UBR3: variants seen among roughly 807,000 people sequenced by gnomAD.
UBR3 encodes E3 ubiquitin-protein ligase UBR3.
A neutral mutation model predicts 243.2 loss-of-function variants in UBR3; 85 were observed. That is an observed-to-expected ratio of 0.35 (90% CI 0.29 to 0.42). The LOEUF is 0.42. Ranked by LOEUF, UBR3 falls within the 10% of genes least tolerant of loss-of-function variation. The pLI, the probability that UBR3 is intolerant of heterozygous loss-of-function variation, is 1.00. For synonymous variants in UBR3, 748 were observed against 799.8 expected (o/e 0.94, Z 1.09); for missense variants, 1,686 against 2,300.8 (o/e 0.73, Z 5.47).
Position 169,872,350 on chromosome 2 carries a change from C to A in UBR3, c.660C>A (p.Tyr220Ter). The change falls in exon 2 of 39, where the codon TAC becomes TAA. Residue 220 changes from tyrosine to a stop codon, truncating the protein, a stop_gained. Transcript: ENST00000272793. LOFTEE classifies it high-confidence loss of function. ...GATTTATATTTTGTCTTATTCAGTA[C>A]TTAAGAGAAGGCTATAATGAACCAG... ...LPRFIFCLIQ[Y>*]LREGYNEPAA... 1 of 1,492,910 alleles carries A rather than the reference C, an allele frequency of 6.7e-7. No homozygotes were observed. The highest frequency in any genetic ancestry group is 1.4e-5 in the African/African-American group (1 of 71,654). 92.5% of individuals were successfully genotyped at this position (1,492,910 alleles called of 1,614,324 possible). A position where few individuals can be genotyped will look rare whatever the true frequency, so the allele number is the denominator to read the frequency against.
intron 23 of UBR3, among the ~76,000 whole-genome samples, chr2:169,955,793 C>CAAAAAAAAAAAAAAAAAAAAAAAAAAAA (rs56238118): frequency 1.3e-5 from 1 of 78,508 alleles, no homozygotes; most frequent in African/African-American, 4.8e-5. Flanking sequence ...GACTCCATCT[C>CAAAAAAAAAAAAAAAAAAAAAAAAAAAA]AAAAAAAAAA....
At chr2:169,917,161 A>G (rs967507285) in intron 11 of UBR3, among the ~76,000 whole-genome samples, 4 of 152,058 alleles carry the variant, frequency 2.6e-5, no homozygotes, top group African/African-American at 9.7e-5. Flanking sequence ...TTGGATTTTG[A>G]TTCTGCCCTG....
At chr2:169,851,289 TA>T (rs1162867572) in intron 1 of UBR3, among the ~76,000 whole-genome samples, 7 of 152,182 alleles carry the variant, frequency 4.6e-5, no homozygotes, top group Non-Finnish European at 7.3e-5. Context: ...CATGTTTGGC[TA>T]ATTTTTGTAT....
At chr2:169,961,468 C>T (rs1397488433) in intron 24 of UBR3, among the ~76,000 whole-genome samples, 1 of 152,136 alleles carries the variant, frequency 6.6e-6, no homozygotes, top group Non-Finnish European at 1.5e-5. Context: ...TAGGCATGCA[C>T]TGCCATGCCT....
intron 1 of UBR3, among the ~76,000 whole-genome samples, chr2:169,833,710 A>G (rs2082004932): frequency 6.6e-6 from 1 of 152,208 alleles, no homozygotes; most frequent in African/African-American, 2.4e-5. Context: ...ACCCCTCAGT[A>G]AGAAATTTCC....
intron 33 of UBR3, 143 bp downstream of exon 33, chr2:170,055,727 T>A: frequency 9.8e-7 from 1 of 1,025,190 alleles, no homozygotes; most frequent in Non-Finnish European, 1.4e-6. Context: ...AAAAAATGTT[T>A]AAAATGTTTT....
intron 20 of UBR3, among the ~76,000 whole-genome samples, chr2:169,943,525 C>T (rs1020760780): frequency 1.3e-4 from 20 of 152,130 alleles, no homozygotes; most frequent in Non-Finnish European, 1.8e-4. Flanking sequence ...TGCTTGAACC[C>T]GGGAGGTGGA....
At chr2:169,902,960 C>A (rs6729492) in intron 8 of UBR3, among the ~76,000 whole-genome samples, 1 of 152,210 alleles carries the variant, frequency 6.6e-6, no homozygotes, top group Non-Finnish European at 1.5e-5. Context: ...ATGAGTCCCT[C>A]TACTTTTCCC....
In UBR3 at chr2:170,046,919, T is replaced by G. The variant is rs192315718; in HGVS notation, c.4660+5934T>G. On this transcript the variant is annotated intron_variant, in intron 32 of 38. Transcript: ENST00000272793. ...AGTCCCATAGTAAAATAATAACTGT[T>G]TAAATACTTCAGGTTGGCTTGTATC... Among the ~76,000 whole-genome samples the G allele has an allele frequency of 4.1e-3, 617 of 152,342 alleles. 2 individuals carry two copies. Among genetic ancestry groups the G allele is most frequent in the Non-Finnish European group, 6.3e-3 (430 of 68,032 alleles).
intron 7 of UBR3, among the ~76,000 whole-genome samples, 156 bp from the exon 8 acceptor site, chr2:169,896,351 G>A (rs1421944780): frequency 1.3e-5 from 2 of 151,766 alleles, no homozygotes; most frequent in African/African-American, 4.8e-5. Flanking sequence ...CCAAAAAAGT[G>A]AAAGACTACC....
At chr2:169,993,023 A>T (rs967897128) in intron 25 of UBR3, among the ~76,000 whole-genome samples, 5 of 152,210 alleles carry the variant, frequency 3.3e-5, no homozygotes. Context: ...GGCCTCCCAA[A>T]GTGCTGGGTT....
chr2:170,068,436 C>T (rs951308133), intron 35 of UBR3, among the ~76,000 whole-genome samples: 2 of 152,024 alleles, frequency 1.3e-5, no homozygotes, highest in African/African-American at 2.4e-5. Context: ...CCACTACACT[C>T]CAGTCTGGGT....
chr2:169,872,397 G>T, intron 2 of UBR3, 22 bp downstream of exon 2: 2 of 1,393,368 alleles, frequency 1.4e-6, no homozygotes, highest in East Asian at 2.7e-5. Flanking sequence ...TCTACTTCTT[G>T]TTAGTACTCT....
At chr2:169,954,767 G>C (rs1041562674) in intron 23 of UBR3, among the ~76,000 whole-genome samples, 3 of 151,958 alleles carry the variant, frequency 2.0e-5, no homozygotes, top group Admixed American at 2.0e-4. Flanking sequence ...TAGAGACAGG[G>C]TTTCACCATG....
intron 24 of UBR3, among the ~76,000 whole-genome samples, chr2:169,979,433 C>T (rs997586337): frequency 6.6e-6 from 1 of 152,122 alleles, no homozygotes; most frequent in Non-Finnish European, 1.5e-5. Flanking sequence ...TATTTCCACA[C>T]AAAAAATCTT....
chr2:169,862,004 A>T (rs942192289), intron 1 of UBR3, among the ~76,000 whole-genome samples: 1 of 152,048 alleles, frequency 6.6e-6, no homozygotes. Context: ...TTTTGCCTTT[A>T]TTGTAAATTC....
chr2:170,075,739 C>T (rs1042336276), intron 36 of UBR3, among the ~76,000 whole-genome samples: 2 of 152,008 alleles, frequency 1.3e-5, no homozygotes, highest in African/African-American at 4.8e-5. Context: ...ATCTGTATAG[C>T]GAGACTTAGC....
intron 5 of UBR3, among the ~76,000 whole-genome samples, chr2:169,890,556 T>TACAC (rs1407070750): frequency 2.9e-5 from 3 of 104,972 alleles, no homozygotes; most frequent in African/African-American, 8.1e-5. Context: ...TATATATATA[T>TACAC]ATATATATGT....
chr2:169,853,986 A>G (rs1402873990), intron 1 of UBR3, among the ~76,000 whole-genome samples: 2 of 151,852 alleles, frequency 1.3e-5, no homozygotes, highest in African/African-American at 2.4e-5. Context: ...ACACATGGAC[A>G]CAGGGAGGGG....
Sources: gnomAD v4.1 joint callset for allele counts (sites outside exome capture counted in the v4.1 genomes callset) on GRCh38, gnomAD v4.1.1 for gene constraint, MANE v1.5 for transcripts, NCBI Gene and HGNC (gene_info 2026-07-23, HGNC 2026-07-21) for gene names.